Variants in ANAPC11 observed in about 807,000 individuals in gnomAD.
ANAPC11 encodes anaphase promoting complex subunit 11.
ANAPC11 carries 5 observed loss-of-function variants against 11.8 expected under a neutral mutation model. The observed-to-expected ratio is 0.42, with a 90% CI of 0.22 to 0.89. The LOEUF is 0.89. Ranked by LOEUF, ANAPC11 falls within the 40% of genes least tolerant of loss-of-function variation. The pLI is 0.28. For synonymous variants in ANAPC11, 45 were observed against 41.0 expected (o/e 1.10, Z -0.38); for missense variants, 68 against 112.9 (o/e 0.60, Z 1.80).
chr17:81,891,034 C>T (rs923092393), upstream of ANAPC11: 12 of 749,764 alleles, frequency 1.6e-5, no homozygotes, highest in Admixed American at 3.6e-4. Context: ...GACTAACTTC[C>T]CGCCGCCTGT....
chr17:81,896,192 G>A (rs1478093112), intron 3 of ANAPC11, among the ~76,000 whole-genome samples: 1 of 151,814 alleles, frequency 6.6e-6, no homozygotes, highest in Non-Finnish European at 1.5e-5. Context: ...AGGCCGAGGT[G>A]GATGGATCAC....
chr17:81,895,109 C>T (rs2143543932), intron 3 of ANAPC11, among the ~76,000 whole-genome samples: 1 of 133,186 alleles, frequency 7.5e-6, no homozygotes, highest in South Asian at 2.3e-4. Context: ...GGCTGGAGTG[C>T]AATGGCGCGA....
chr17:81,896,987 GTATTTT>G (rs1335740815), intron 3 of ANAPC11, among the ~76,000 whole-genome samples: 1 of 150,828 alleles, frequency 6.6e-6, no homozygotes, highest in Non-Finnish European at 1.5e-5. Flanking sequence ...CTAATTTGTT[GTATTTT>G]TATTTTTATT....
At chr17:81,900,362 C>T (rs916065585), downstream of ANAPC11, 10 of 447,930 alleles carry the variant, frequency 2.2e-5, no homozygotes, top group African/African-American at 1.0e-4. Context: ...CCAAGGCCCT[C>T]GTCAAACCCT....
Position 81,894,455 on chromosome 17 carries a change from C to T in ANAPC11, c.-11-12C>T. On this transcript the variant is annotated splice_polypyrimidine_tract_variant and intron_variant, in intron 2 of 3. Coordinates refer to ENST00000344877, the MANE Select transcript of ANAPC11 (RefSeq NM_001002248.3). Reference sequence around the variant, plus strand: ...CTCAATTTAGCCAGTCGTCCTGTTCCCTCCGCCGCAGGCTCTGCTGCCATG... The same window carrying T: ...CTCAATTTAGCCAGTCGTCCTGTTCTCTCCGCCGCAGGCTCTGCTGCCATG... 1 of 1,562,662 alleles carries T rather than the reference C, an allele frequency of 6.4e-7. No individual in the cohort carries two copies. Among genetic ancestry groups the T allele is most frequent in the South Asian group, 1.1e-5 (1 of 89,564 alleles).
At chr17:81,899,298 C>T in intron 3 of ANAPC11, 1 of 1,613,268 alleles carries the variant, frequency 6.2e-7, no homozygotes. Flanking sequence ...GCAGCCTGTG[C>T]CTGTCCTGGG....
intron 3 of ANAPC11, among the ~76,000 whole-genome samples, chr17:81,897,376 C>G (rs961388606): frequency 2.0e-5 from 3 of 152,188 alleles, no homozygotes; most frequent in Admixed American, 1.3e-4. Context: ...TCAGGTGATC[C>G]GTCCACCTCG....
upstream of ANAPC11, chr17:81,891,101 A>G (rs1226513352): frequency 3.0e-6 from 2 of 664,200 alleles, no homozygotes; most frequent in Non-Finnish European, 4.8e-6. Context: ...CGGAACAAAC[A>G]AAGAGCTGGG....
In ANAPC11 at chr17:81,894,748, G is replaced by A. The variant is rs747609806; in HGVS notation, c.109+162G>A. 15 of 441,026 alleles carry A rather than the reference G, an allele frequency of 3.4e-5. No homozygotes were observed. In the East Asian group the frequency reaches 3.9e-4, roughly 12 times the overall value. The allele number at this position is 441,026 out of a possible 1,614,324, so 27.3% of individuals were successfully genotyped here. On this transcript the variant is annotated intron_variant, in intron 3 of 3. Transcript: ENST00000344877. Reference sequence around the variant, plus strand: ...TTTTTTTTTTTTGAGACCGAGTTTCGATCTTGTTTCCCAGGCTGGAGTGCA... The same window carrying A: ...TTTTTTTTTTTTGAGACCGAGTTTCAATCTTGTTTCCCAGGCTGGAGTGCA...
At chr17:81,896,342 A>C (rs1295051248) in intron 3 of ANAPC11, among the ~76,000 whole-genome samples, 1 of 152,178 alleles carries the variant, frequency 6.6e-6, no homozygotes, top group East Asian at 1.9e-4. Context: ...GAATCGCTTG[A>C]ACCTGGGAGG....
intron 3 of ANAPC11, chr17:81,898,276 G>A (rs1279459229): frequency 6.6e-6 from 1 of 152,276 alleles, no homozygotes; most frequent in African/African-American, 2.4e-5. Context: ...TGTGGGTGGT[G>A]AATCCTGTGG....
At position 81,891,772 on chromosome 17, in the gene ANAPC11, C is replaced by A. The variant is rs1198631776; in HGVS notation, c.-144C>A. On this transcript the variant is annotated 5_prime_UTR_variant, in exon 1 of 4. Coordinates refer to ENST00000344877, the MANE Select transcript of ANAPC11 (RefSeq NM_001002248.3). ...GCGGGCGCTGTTGAGGGAGTCGGGCCGCGACTGTGGTCGTTTTTATACCTT... is the reference window on the plus strand; with the variant it reads ...GCGGGCGCTGTTGAGGGAGTCGGGCAGCGACTGTGGTCGTTTTTATACCTT... 5.8e-6 allele frequency: 2 copies of A among 342,808 alleles called. No individual in the cohort carries two copies. The highest frequency in any genetic ancestry group is 4.5e-5 in the South Asian group (1 of 22,384). The allele number at this position is 342,808 out of a possible 1,614,324, so 21.2% of individuals were successfully genotyped here.
chr17:81,900,384 GGGA>G (rs900620952), downstream of ANAPC11: 51 of 408,462 alleles, frequency 1.2e-4, no homozygotes, highest in Middle Eastern at 7.1e-4. Flanking sequence ...AGTCATGACT[GGGA>G]GGAGAAGGAG....
chr17:81,899,798 CATG>C (rs1234568065), intron 3 of ANAPC11, 119 bp from the exon 4 acceptor site: 1 of 1,089,276 alleles, frequency 9.2e-7, no homozygotes, highest in Non-Finnish European at 1.3e-6. Flanking sequence ...TTCTCTGAAA[CATG>C]AGAGGCTGCA....
intron 3 of ANAPC11, among the ~76,000 whole-genome samples, chr17:81,897,385 C>T (rs1438178213): frequency 6.6e-6 from 1 of 152,190 alleles, no homozygotes; most frequent in Admixed American, 6.5e-5. Context: ...CCGTCCACCT[C>T]GGCCTCCCAA....
intron 3 of ANAPC11, 129 bp downstream of exon 3, chr17:81,894,715 C>CTTTTT (rs529200093): frequency 4.1e-5 from 15 of 362,490 alleles, no homozygotes; most frequent in South Asian, 3.5e-4. Flanking sequence ...GTTTCATTTT[C>CTTTTT]TTTTTTTTTT....
intron 2 of ANAPC11, among the ~76,000 whole-genome samples, chr17:81,894,075 C>CA (rs1049295615): frequency 6.6e-6 from 1 of 151,678 alleles, no homozygotes; most frequent in African/African-American, 2.4e-5. Flanking sequence ...GCCAGGAGTT[C>CA]AAGACCAGCC....
upstream of ANAPC11, chr17:81,891,019 C>A: frequency 1.2e-6 from 1 of 812,810 alleles, no homozygotes; most frequent in Non-Finnish European, 1.9e-6. Context: ...ACTTCAGTTC[C>A]CTTAGACTAA....
chr17:81,891,493 G>A, upstream of ANAPC11: 1 of 1,254,068 alleles, frequency 8.0e-7, no homozygotes, highest in Non-Finnish European at 1.0e-6. Flanking sequence ...CCCCCGCCCC[G>A]GCCGCCTCGC....
Sources: gnomAD v4.1 joint callset for allele counts (sites outside exome capture counted in the v4.1 genomes callset) on GRCh38, gnomAD v4.1.1 for gene constraint, MANE v1.5 for transcripts, NCBI Gene and HGNC (gene_info 2026-07-23, HGNC 2026-07-21) for gene names.